The following GALNT14 variants were observed in gnomAD, a reference collection of about 807,000 sequenced individuals.
The protein encoded by GALNT14 is UDP-GalNAc:polypeptide N-acetylgalactosaminyltransferase 14.
Under a neutral mutation model 77.5 loss-of-function variants are expected in GALNT14, and 60 were observed. The observed-to-expected ratio is 0.77, with a 90% CI of 0.63 to 0.96. GALNT14 has a LOEUF of 0.96. Among genes scored for constraint, GALNT14 ranks in the 40% least tolerant of loss-of-function variants. The pLI is 0.00. For missense variants in GALNT14, 710 were observed against 731.0 expected (o/e 0.97, Z 0.33); for synonymous variants, 280 against 281.7 (o/e 0.99, Z 0.06).
chr2:30,974,700 G>A lies in GALNT14; in HGVS notation c.300-8398C>T, dbSNP rs116948236. On this transcript the variant is annotated intron_variant, in intron 2 of 14. Transcript: ENST00000349752. ...TTCAGTCTCCCAAGGCTTTTCCAAC[G>A]TGCCTCTTTAGGACCCTGTGTTCAC... Among the ~76,000 whole-genome samples the A allele has an allele frequency of 5.3e-5, 8 of 152,244 alleles. No individual in the cohort carries two copies. In the East Asian group the frequency reaches 1.5e-3, roughly 29 times the overall value.
chr2:31,115,258 T>C (rs1215815392), intron 1 of GALNT14, among the ~76,000 whole-genome samples: 1 of 150,662 alleles, frequency 6.6e-6, no homozygotes. Flanking sequence ...TTCAAAAAAA[T>C]TACAAAAAAA....
At chr2:31,137,493 A>C (rs1679275682) in intron 1 of GALNT14, among the ~76,000 whole-genome samples, 1 of 152,134 alleles carries the variant, frequency 6.6e-6, no homozygotes, top group Non-Finnish European at 1.5e-5. Context: ...CGCAACGCAC[A>C]GGCGCGCGCG....
intron 1 of GALNT14, among the ~76,000 whole-genome samples, chr2:31,106,894 G>T (rs11888638): frequency 0.014 from 2,073 of 152,260 alleles, 38 homozygotes; most frequent in African/African-American, 0.047. Flanking sequence ...TGGAAGGAGG[G>T]CCCAGGGTAG....
At chr2:31,067,003 T>C (rs1313389887) in intron 1 of GALNT14, among the ~76,000 whole-genome samples, 1 of 152,174 alleles carries the variant, frequency 6.6e-6, no homozygotes, top group Non-Finnish European at 1.5e-5. Flanking sequence ...GTAACACCAG[T>C]GACACAGTGG....
In GALNT14 at chr2:31,070,042, G is replaced by A. The variant is rs138599259; in HGVS notation, c.129+67916C>T. Among the ~76,000 whole-genome samples the A allele has an allele frequency of 6.5e-3, 991 of 152,156 alleles. 11 individuals are homozygous for A. Among genetic ancestry groups the A allele is most frequent in the African/African-American group, 0.021 (892 of 41,510 alleles). On this transcript the variant is annotated intron_variant, in intron 1 of 14. Transcript: ENST00000349752. ...CTGTGTCCGCTTACCCCCACCCTCC[G>A]AGTCCCATGGAGCATCCTCCAAGTA...
chr2:31,085,381 A>G (rs557654223), intron 1 of GALNT14, among the ~76,000 whole-genome samples: 1 of 152,346 alleles, frequency 6.6e-6, no homozygotes, highest in South Asian at 2.1e-4. Context: ...CATGACCTTC[A>G]GGGCCTCCAA....
intron 1 of GALNT14, among the ~76,000 whole-genome samples, chr2:30,998,648 A>G (rs371250142): frequency 1.3e-5 from 2 of 152,338 alleles, no homozygotes; most frequent in South Asian, 2.1e-4. Flanking sequence ...TATTCACAAT[A>G]ATAGGTACCA....
At chr2:30,892,466 T>C in the GALNT14 span, among the ~76,000 whole-genome samples, 3 of 152,160 alleles carry the variant, frequency 2.0e-5, no homozygotes, top group Non-Finnish European at 2.9e-5. Context: ...GGGGCAGTAG[T>C]GGAAACCAGA....
chr2:31,135,548 A>G (rs1236401387), intron 1 of GALNT14, among the ~76,000 whole-genome samples: 1 of 152,196 alleles, frequency 6.6e-6, no homozygotes. Flanking sequence ...TAATAGTAAG[A>G]GGTGTCAAGA....
At chr2:31,047,446 T>TC (rs1673535099) in intron 1 of GALNT14, among the ~76,000 whole-genome samples, 1 of 152,166 alleles carries the variant, frequency 6.6e-6, no homozygotes, top group South Asian at 2.1e-4. Context: ...AGACAGGGCA[T>TC]CCCAGGGCCA....
intron 8 of GALNT14, 122 bp from the exon 9 acceptor site, chr2:30,942,426 G>A: frequency 3.0e-6 from 2 of 669,760 alleles, no homozygotes; most frequent in Admixed American, 2.6e-5. Flanking sequence ...CCCATTGAGG[G>A]AAGAAAACTC....
intron 3 of GALNT14, among the ~76,000 whole-genome samples, chr2:30,959,577 G>A (rs115558163): frequency 6.4e-4 from 98 of 152,296 alleles, no homozygotes; most frequent in Non-Finnish European, 1.2e-3. Flanking sequence ...GGGATAATAG[G>A]AGTACTTATT....
intron 6 of GALNT14, among the ~76,000 whole-genome samples, 160 bp from the exon 7 acceptor site, chr2:30,946,030 G>T (rs1187301963): frequency 6.6e-6 from 1 of 152,114 alleles, no homozygotes; most frequent in African/African-American, 2.4e-5. Flanking sequence ...ATAAAAGGGG[G>T]TACTGGGCAA....
intron 1 of GALNT14, among the ~76,000 whole-genome samples, chr2:31,059,024 C>T (rs887348280): frequency 1.3e-5 from 2 of 152,162 alleles, no homozygotes; most frequent in Non-Finnish European, 2.9e-5. Context: ...ATACGGTCAT[C>T]TGCCTACCAG....
At position 31,041,038 on chromosome 2, in the gene GALNT14, G is replaced by A. The variant is rs140073956; in HGVS notation, c.130-48031C>T. Among the ~76,000 whole-genome samples, 30 of 152,278 alleles carry A rather than the reference G, an allele frequency of 2.0e-4. 2 individuals carry two copies. In the East Asian group the frequency reaches 4.1e-3, roughly 21 times the overall value. On this transcript the variant is annotated intron_variant, in intron 1 of 14. Transcript: ENST00000349752. ...CATCTGTGGGGACTGTATGGGAAGG[G>A]ATGGAGGTAAGAAAGCCAAAGAGAC... is the stretch of plus-strand genomic sequence containing the variant.
intron 1 of GALNT14, among the ~76,000 whole-genome samples, chr2:31,073,454 C>T (rs1675551705): frequency 6.8e-6 from 1 of 147,728 alleles, no homozygotes. Context: ...ATAATCTCTA[C>T]TATGACAAAA....
intron 13 of GALNT14, among the ~76,000 whole-genome samples, chr2:30,921,879 G>A (rs1224110293): frequency 6.6e-6 from 1 of 152,202 alleles, no homozygotes; most frequent in East Asian, 1.9e-4. Flanking sequence ...TAGGGATGCT[G>A]CTAGACTTCC....
At chr2:30,996,637 G>A (rs1670054999) in intron 1 of GALNT14, among the ~76,000 whole-genome samples, 1 of 152,254 alleles carries the variant, frequency 6.6e-6, no homozygotes, top group African/African-American at 2.4e-5. Flanking sequence ...CAGGGCAGCT[G>A]AACATCCCAG....
chr2:31,053,242 A>C (rs1674000932), intron 1 of GALNT14, among the ~76,000 whole-genome samples: 1 of 151,936 alleles, frequency 6.6e-6, no homozygotes, highest in African/African-American at 2.4e-5. Context: ...CCTCATATCC[A>C]CTGTCTGTAC....
Sources: gnomAD v4.1 joint callset for allele counts (sites outside exome capture counted in the v4.1 genomes callset) on GRCh38, gnomAD v4.1.1 for gene constraint, MANE v1.5 for transcripts, NCBI Gene and HGNC (gene_info 2026-07-23, HGNC 2026-07-21) for gene names.